Variants in MPPED1 observed in about 807,000 individuals in gnomAD.
The protein encoded by MPPED1 is metallophosphoesterase domain containing 1.
MPPED1 carries 16 observed loss-of-function variants against 36.2 expected under a neutral mutation model. That is an observed-to-expected ratio of 0.44 (90% CI 0.30 to 0.67). The LOEUF (loss-of-function observed/expected upper bound fraction) is 0.67, where lower values mean the gene tolerates loss of function less well. Among genes scored for constraint, MPPED1 ranks in the 30% least tolerant of loss-of-function variants. The probability of loss-of-function intolerance (pLI) is 0.10; values close to 1 mark genes in which losing one functional copy is unlikely to be tolerated. For missense variants in MPPED1, 307 were observed against 453.4 expected, an observed-to-expected ratio of 0.68 and a Z score of 2.93; for synonymous variants, 199 against 191.3, an observed-to-expected ratio of 1.04 and a Z score of -0.33.
chr22:43,459,986 A>G (rs1027960178), intron 3 of MPPED1, among the ~76,000 whole-genome samples: 12 of 152,146 alleles, frequency 7.9e-5, no homozygotes, highest in African/African-American at 2.7e-4. Context: ...AGGCGAGTGG[A>G]TCACGAGGTC....
chr22:43,428,538 TG>T (rs1008345023), intron 2 of MPPED1, among the ~76,000 whole-genome samples: 7 of 151,968 alleles, frequency 4.6e-5, no homozygotes, highest in Admixed American at 2.0e-4. Context: ...CCAGGAGCGG[TG>T]GGGGGATGGC....
At chr22:43,471,951 C>T (rs555713476) in intron 3 of MPPED1, among the ~76,000 whole-genome samples, 7 of 152,284 alleles carry the variant, frequency 4.6e-5, no homozygotes, top group Middle Eastern at 3.4e-3. Flanking sequence ...GGAAGAACCT[C>T]GGGCCAGGGC....
intron 3 of MPPED1, among the ~76,000 whole-genome samples, chr22:43,458,064 C>A (rs905497980): frequency 6.6e-5 from 10 of 152,232 alleles, no homozygotes; most frequent in Admixed American, 3.9e-4. Flanking sequence ...GGTTTGTAGC[C>A]TGTAGTGATA....
At chr22:43,421,654 G>A (rs992004559) in intron 1 of MPPED1, among the ~76,000 whole-genome samples, 1 of 152,166 alleles carries the variant, frequency 6.6e-6, no homozygotes, top group Non-Finnish European at 1.5e-5. Context: ...CCTCTGCTGG[G>A]CACCAGGCAA....
intron 3 of MPPED1, among the ~76,000 whole-genome samples, chr22:43,467,322 TAGC>T (rs1310622370): frequency 1.3e-5 from 2 of 152,354 alleles, no homozygotes; most frequent in Middle Eastern, 3.4e-3. Flanking sequence ...CAGTACAGGG[TAGC>T]AGAATTCAGC....
chr22:43,434,932 A>G, intron 2 of MPPED1, 102 bp from the exon 3 acceptor site: 2 of 1,294,554 alleles, frequency 1.5e-6, no homozygotes, highest in East Asian at 4.6e-5. Flanking sequence ...TCTGAGCGGG[A>G]TTGATGGGGC....
At chr22:43,417,864 C>A in intron 1 of MPPED1, 1 of 361,324 alleles carries the variant, frequency 2.8e-6, no homozygotes, top group Non-Finnish European at 5.4e-6. Flanking sequence ...CAGTTAAAGG[C>A]CCCAAGAGGA....
At chr22:43,470,765 C>G (rs909644806) in intron 3 of MPPED1, among the ~76,000 whole-genome samples, 3 of 152,234 alleles carry the variant, frequency 2.0e-5, no homozygotes, top group African/African-American at 4.8e-5. Context: ...CCAGGTTTAC[C>G]TGGGGATAGT....
chr22:43,467,316 A>G (rs563481926), intron 3 of MPPED1, among the ~76,000 whole-genome samples: 21 of 152,342 alleles, frequency 1.4e-4, no homozygotes, highest in African/African-American at 4.8e-4. Flanking sequence ...GGCGCTCAGT[A>G]CAGGGTAGCA....
At chr22:43,440,902 C>G (rs901772356) in intron 3 of MPPED1, among the ~76,000 whole-genome samples, 1 of 152,166 alleles carries the variant, frequency 6.6e-6, no homozygotes, top group Non-Finnish European at 1.5e-5. Flanking sequence ...GCCTCCCTCT[C>G]CAGGGCCCTT....
At chr22:43,441,330 G>A (rs1930141302) in intron 3 of MPPED1, among the ~76,000 whole-genome samples, 1 of 152,080 alleles carries the variant, frequency 6.6e-6, no homozygotes, top group Non-Finnish European at 1.5e-5. Context: ...GCTATCGTCT[G>A]TCCTGCCCAC....
At chr22:43,444,428 G>A (rs1019495923) in intron 3 of MPPED1, among the ~76,000 whole-genome samples, 2 of 145,484 alleles carry the variant, frequency 1.4e-5, no homozygotes, top group African/African-American at 2.5e-5. Context: ...GTGCAACGGC[G>A]CGATCTCAGC....
At chr22:43,500,436 G>GTAGTGGTGGTGA (rs1932696045) in intron 5 of MPPED1, among the ~76,000 whole-genome samples, 2 of 147,244 alleles carry the variant, frequency 1.4e-5, no homozygotes, top group African/African-American at 5.0e-5. Flanking sequence ...GGAGGTGGTG[G>GTAGTGGTGGTGA]TGGAGGTGGT....
rs111597274 is a variant in MPPED1, at chr22:43,445,813, G to A, written c.406+10598G>A. The stretch of plus-strand genomic sequence containing the variant: ...TCGAACTCCTGGGCTCAGGCAATCT[G>A]CCTACCTCGGCCTCCCAAAGTGCTG... On this transcript the variant is annotated intron_variant, in intron 3 of 6. Transcript: ENST00000443721. Among the ~76,000 whole-genome samples the A allele has an allele frequency of 1.2e-4, 18 of 150,758 alleles. 1 individual carries two copies. Among genetic ancestry groups the A allele is most frequent in the Non-Finnish European group, 2.4e-4 (16 of 67,860 alleles).
intron 4 of MPPED1, among the ~76,000 whole-genome samples, chr22:43,483,584 T>C (rs996228871): frequency 2.0e-5 from 3 of 152,150 alleles, no homozygotes; most frequent in African/African-American, 7.2e-5. Context: ...CTTTGCCCTT[T>C]CTCTTAAGAA....
chr22:43,463,839 CTT>C (rs1288431890), intron 3 of MPPED1, among the ~76,000 whole-genome samples: 1 of 115,654 alleles, frequency 8.6e-6, no homozygotes, highest in African/African-American at 3.7e-5. Context: ...TTCTTTCTTT[CTT>C]TCTTTCTTTC....
intron 1 of MPPED1, among the ~76,000 whole-genome samples, chr22:43,421,928 T>C (rs1929287479): frequency 6.6e-6 from 1 of 152,246 alleles, no homozygotes; most frequent in Admixed American, 6.5e-5. Flanking sequence ...GGGACTGTTT[T>C]TCTTTCCATT....
intron 4 of MPPED1, among the ~76,000 whole-genome samples, chr22:43,488,757 G>A (rs1415366625): frequency 6.6e-6 from 1 of 152,236 alleles, no homozygotes; most frequent in Non-Finnish European, 1.5e-5. Flanking sequence ...TATTCCAATG[G>A]TTACTTTAGA....
chr22:43,421,976 G>C (rs551741841), intron 1 of MPPED1, among the ~76,000 whole-genome samples: 16 of 152,206 alleles, frequency 1.1e-4, no homozygotes, highest in African/African-American at 7.2e-5. Flanking sequence ...AGGTTCAGCC[G>C]CTTGCTCAGG....
Sources: allele counts gnomAD v4.1 joint callset (sites outside exome capture counted in the v4.1 genomes callset), GRCh38; gene constraint gnomAD v4.1.1; transcripts MANE v1.5; gene names NCBI Gene and HGNC (gene_info 2026-07-23, HGNC 2026-07-21).